Variants in TNIK observed in about 807,000 individuals in gnomAD.
The protein encoded by TNIK is TRAF2 and NCK interacting kinase, also known as TRAF2 and NCK-interacting protein kinase.
In TNIK, 49 loss-of-function variants were observed where a neutral mutation model predicts 191.3. That is an observed-to-expected ratio of 0.26 (90% CI 0.20 to 0.32). TNIK has a LOEUF of 0.32. Among genes scored for constraint, TNIK ranks in the 10% least tolerant of loss-of-function variants. The pLI is 1.00. For missense variants in TNIK, 1,155 were observed against 1,702.3 expected (o/e 0.68, Z 5.66); for synonymous variants, 594 against 600.9 (o/e 0.99, Z 0.17).
intron 2 of TNIK, among the ~76,000 whole-genome samples, chr3:171,285,311 C>G (rs945182229): frequency 6.6e-6 from 1 of 152,204 alleles, no homozygotes; most frequent in African/African-American, 2.4e-5. Flanking sequence ...CACTTAAATT[C>G]CTCAGCAATA....
chr3:171,138,142 T>G, intron 15 of TNIK, 49 bp downstream of exon 15: 1 of 1,485,006 alleles, frequency 6.7e-7, no homozygotes, highest in Non-Finnish European at 8.9e-7. Context: ...ACAAACTCAT[T>G]AGAGTCAAAA....
intron 1 of TNIK, among the ~76,000 whole-genome samples, chr3:171,378,570 T>C (rs1717582688): frequency 6.6e-6 from 1 of 152,218 alleles, no homozygotes; most frequent in African/African-American, 2.4e-5. Context: ...TTATTGGTTT[T>C]GTCCACTGCA....
intron 1 of TNIK, among the ~76,000 whole-genome samples, chr3:171,379,907 G>T (rs1717783200): frequency 2.0e-5 from 3 of 152,054 alleles, no homozygotes; most frequent in Admixed American, 6.5e-5. Flanking sequence ...TACTCAGGAG[G>T]CTGAGGCAGG....
At chr3:171,287,985 G>A (rs531874206) in intron 2 of TNIK, among the ~76,000 whole-genome samples, 4 of 150,608 alleles carry the variant, frequency 2.7e-5, no homozygotes, top group Non-Finnish European at 4.4e-5. Context: ...ATACTATGCA[G>A]CCATAAAAAA....
chr3:171,342,117 G>A (rs1349792062), intron 2 of TNIK, among the ~76,000 whole-genome samples: 5 of 152,056 alleles, frequency 3.3e-5, no homozygotes, highest in East Asian at 1.9e-4. Context: ...TATAAATTAC[G>A]AAGACTAGAT....
Position 171,338,974 on chromosome 3 carries a change from A to G in TNIK, c.123+30646T>C, listed in dbSNP as rs796185938. Among the ~76,000 whole-genome samples the G allele has an allele frequency of 7.2e-5, 11 of 152,254 alleles. 1 individual carries two copies. Among genetic ancestry groups the G allele is most frequent in the African/African-American group, 2.6e-4 (11 of 41,554 alleles). The stretch of plus-strand genomic sequence containing the variant: ...AGCTCATAATGACTATGCTACATCA[A>G]TTAGTATTATTTTCTGTCTCCCATG... On this transcript the variant is annotated intron_variant, in intron 2 of 32. Coordinates refer to ENST00000436636, the MANE Select transcript of TNIK (RefSeq NM_015028.4).
intron 4 of TNIK, among the ~76,000 whole-genome samples, chr3:171,209,225 T>C (rs976103161): frequency 1.3e-5 from 2 of 152,130 alleles, no homozygotes; most frequent in African/African-American, 4.8e-5. Context: ...TATCTATTTT[T>C]TTCTTGTGGA....
chr3:171,258,343 A>G (rs1747149278), intron 2 of TNIK, among the ~76,000 whole-genome samples: 1 of 152,244 alleles, frequency 6.6e-6, no homozygotes, highest in East Asian at 1.9e-4. Context: ...TTAAAGAGCT[A>G]CACTATCTCA....
chr3:171,202,790 A>G (rs962081955), intron 4 of TNIK, among the ~76,000 whole-genome samples: 2 of 152,166 alleles, frequency 1.3e-5, no homozygotes, highest in African/African-American at 4.8e-5. Context: ...AGGTCTTGCA[A>G]TGTGGCAGCT....
At chr3:171,251,525 G>A (rs1746224229) in intron 2 of TNIK, among the ~76,000 whole-genome samples, 1 of 152,190 alleles carries the variant, frequency 6.6e-6, no homozygotes, top group African/African-American at 2.4e-5. Context: ...CTGAAGCACA[G>A]AGCAAGGGCC....
intron 9 of TNIK, among the ~76,000 whole-genome samples, chr3:171,170,779 G>A (rs1375535604): frequency 4.6e-5 from 7 of 152,160 alleles, no homozygotes; most frequent in African/African-American, 1.2e-4. Flanking sequence ...GGCCAGGTGC[G>A]GTAGTTCACA....
intron 21 of TNIK, 85 bp downstream of exon 21, chr3:171,107,098 G>A: frequency 7.1e-7 from 1 of 1,411,166 alleles, no homozygotes; most frequent in East Asian, 2.4e-5. Flanking sequence ...TGCTCCCATT[G>A]GCCACCTTTC....
intron 2 of TNIK, among the ~76,000 whole-genome samples, chr3:171,273,825 C>T (rs1749414387): frequency 6.6e-6 from 1 of 152,138 alleles, no homozygotes; most frequent in African/African-American, 2.4e-5. Context: ...ACCTTGCAAA[C>T]TATTTGTTCT....
At chr3:171,328,596 A>C (rs923923644) in intron 2 of TNIK, among the ~76,000 whole-genome samples, 2 of 152,254 alleles carry the variant, frequency 1.3e-5, no homozygotes, top group African/African-American at 4.8e-5. Flanking sequence ...TGGGTTTAAT[A>C]AATTTAAAAG....
intron 18 of TNIK, among the ~76,000 whole-genome samples, chr3:171,120,949 G>A (rs948454832): frequency 1.3e-5 from 2 of 152,186 alleles, no homozygotes; most frequent in African/African-American, 4.8e-5. Context: ...TTTGGTTTGA[G>A]TCACTGGGTC....
chr3:171,264,087 CACACACACACACACACACACACACATAT>C (rs1748054003), intron 2 of TNIK, among the ~76,000 whole-genome samples: 3 of 101,100 alleles, frequency 3.0e-5, no homozygotes, highest in Non-Finnish European at 4.1e-5. Context: ...CACACACACA[CACACACACACACACACACACACACATAT>C]ATATATATAT....
chr3:171,246,512 TAAG>T (rs1745610066), intron 2 of TNIK, among the ~76,000 whole-genome samples: 1 of 152,192 alleles, frequency 6.6e-6, no homozygotes, highest in East Asian at 1.9e-4. Context: ...ATTTTACAGA[TAAG>T]GAAACGCACA....
chr3:171,098,485 A>G (rs1187982309), intron 22 of TNIK, among the ~76,000 whole-genome samples: 1 of 152,206 alleles, frequency 6.6e-6, no homozygotes, highest in Non-Finnish European at 1.5e-5. Context: ...GTTGGGGAAT[A>G]CAAACTTAGT....
chr3:171,396,472 T>C (rs1209120143), intron 1 of TNIK, among the ~76,000 whole-genome samples: 2 of 152,216 alleles, frequency 1.3e-5, no homozygotes, highest in Non-Finnish European at 2.9e-5. Context: ...ACACAATACG[T>C]AGGAGTAGAA....
Sources: gnomAD v4.1 joint callset for allele counts (sites outside exome capture counted in the v4.1 genomes callset) on GRCh38, gnomAD v4.1.1 for gene constraint, MANE v1.5 for transcripts, NCBI Gene and HGNC (gene_info 2026-07-23, HGNC 2026-07-21) for gene names.